FHIT: variants seen among roughly 807,000 people sequenced by gnomAD.
FHIT encodes the protein fragile histidine triad diadenosine triphosphatase, also known as bis(5'-adenosyl)-triphosphatase.
A neutral mutation model predicts 17.9 loss-of-function variants in FHIT; 19 were observed. That is an observed-to-expected ratio of 1.06 (90% CI 0.74 to 1.56). FHIT has a LOEUF of 1.56. Among genes scored for constraint, FHIT ranks in the 40% most tolerant of loss-of-function variants. The pLI, the probability that FHIT is intolerant of heterozygous loss-of-function variation, is 0.00. For missense variants in FHIT, 248 were observed against 189.2 expected (o/e 1.31, Z -1.82); for synonymous variants, 81 against 69.7 (o/e 1.16, Z -0.81).
chr3:59,749,520 G>A lies in FHIT; in HGVS notation c.*65C>T, dbSNP rs947528158. 8.6e-6 allele frequency: 2 copies of A among 231,330 alleles called. No individual in the cohort carries two copies. The highest frequency in any genetic ancestry group is 1.7e-5 in the Non-Finnish European group (2 of 117,186). 14.3% of individuals were successfully genotyped at this position (231,330 alleles called of 1,614,324 possible). On this transcript the variant is annotated 3_prime_UTR_variant, in exon 10 of 10. Transcript: ENST00000492590. ...CAGTTCCTCTTGGGGAGAGGCGGGG[G>A]GCGGTCTTCAAACTGGTTGGCAATA...
At position 59,925,399 on chromosome 3, in the gene FHIT, T is replaced by C. The variant is rs180830909; in HGVS notation, c.280-2985A>G. On this transcript the variant is annotated intron_variant, in intron 7 of 9. Coordinates refer to ENST00000492590, the MANE Select transcript of FHIT (RefSeq NM_002012.4). ...GAGATTATAGGTGTGAGCTACTATG[T>C]CCAGTATGTGGAGACATCTTTCTGA... Among the ~76,000 whole-genome samples the C allele has an allele frequency of 2.0e-5, 3 of 152,280 alleles. No individual in the cohort carries two copies. In the East Asian group the frequency reaches 5.8e-4, roughly 29 times the overall value.
At chr3:60,071,434 G>A (rs2630200) in intron 5 of FHIT, among the ~76,000 whole-genome samples, 54,986 of 152,040 alleles carry the variant, frequency 0.36, 12,101 homozygotes, top group African/African-American at 0.62. Flanking sequence ...CTGCAACCGT[G>A]TCTGTATTGG....
chr3:59,790,522 C>T (rs1014669996), intron 8 of FHIT, among the ~76,000 whole-genome samples: 8 of 145,426 alleles, frequency 5.5e-5, no homozygotes, highest in African/African-American at 2.1e-4. Context: ...CTCTCTCTCT[C>T]TCTCTCTGTG....
intron 8 of FHIT, among the ~76,000 whole-genome samples, chr3:59,912,911 T>C (rs1704951660): frequency 1.3e-5 from 2 of 152,176 alleles, no homozygotes; most frequent in South Asian, 4.1e-4. Context: ...GAATACACTA[T>C]AGGGCAAGCA....
chr3:60,575,811 A>C (rs1553657403), intron 4 of FHIT, among the ~76,000 whole-genome samples: 1 of 152,132 alleles, frequency 6.6e-6, no homozygotes, highest in Non-Finnish European at 1.5e-5. Flanking sequence ...TGAGCAGTGC[A>C]AAGGAACAAT....
intron 5 of FHIT, among the ~76,000 whole-genome samples, chr3:60,096,076 AC>A (rs1477180289): frequency 6.6e-6 from 1 of 152,164 alleles, no homozygotes; most frequent in Non-Finnish European, 1.5e-5. Flanking sequence ...GGCCAGTGAC[AC>A]CCTGCCCAGG....
intron 3 of FHIT, among the ~76,000 whole-genome samples, chr3:60,849,153 A>G (rs574161910): frequency 1.1e-4 from 16 of 152,200 alleles, no homozygotes; most frequent in Non-Finnish European, 1.6e-4. Context: ...AACCTTTTAT[A>G]TAAGGGAAGA....
chr3:60,078,953 A>T (rs866581632), intron 5 of FHIT, among the ~76,000 whole-genome samples: 5 of 152,142 alleles, frequency 3.3e-5, no homozygotes, highest in South Asian at 4.2e-4. Flanking sequence ...GTTAAAAAAG[A>T]AAAGAGAGGG....
At chr3:60,292,805 C>T (rs1244728640) in intron 5 of FHIT, among the ~76,000 whole-genome samples, 3 of 152,112 alleles carry the variant, frequency 2.0e-5, no homozygotes, top group Non-Finnish European at 4.4e-5. Context: ...AAAGCCTAGT[C>T]ATAAAATGAA....
chr3:61,165,417 G>C (rs547387417), intron 2 of FHIT, among the ~76,000 whole-genome samples: 8 of 152,142 alleles, frequency 5.3e-5, no homozygotes, highest in South Asian at 2.1e-4. Context: ...TCATATGTTT[G>C]TTGGCCACTT....
chr3:60,109,611 C>G (rs147867415), intron 5 of FHIT, among the ~76,000 whole-genome samples: 1 of 152,242 alleles, frequency 6.6e-6, no homozygotes, highest in African/African-American at 2.4e-5. Flanking sequence ...AAGAGAATAA[C>G]AGAAGCAAGT....
chr3:61,041,489 C>G (rs1029644699), intron 3 of FHIT, among the ~76,000 whole-genome samples: 1 of 151,860 alleles, frequency 6.6e-6, no homozygotes, highest in African/African-American at 2.4e-5. Context: ...TATCAATTAG[C>G]AACACTATTT....
rs1459440677 is a variant in FHIT, at chr3:60,009,215, GTGTGTGTGTGTGTGTA to G, written c.279+2140_279+2155del. Among the ~76,000 whole-genome samples, 601 of 140,828 alleles carry G rather than the reference GTGTGTGTGTGTGTGTA, an allele frequency of 4.3e-3. 5 individuals are homozygous for G. Among genetic ancestry groups the G allele is most frequent in the African/African-American group, 0.016 (583 of 36,478 alleles). 92.4% of individuals were successfully genotyped at this position (140,828 alleles called of 152,430 possible). A position where few individuals can be genotyped will look rare whatever the true frequency, so the allele number is the denominator to read the frequency against. On this transcript the variant is annotated intron_variant, in intron 7 of 9. Coordinates refer to ENST00000492590, the MANE Select transcript of FHIT (RefSeq NM_002012.4). ...TGTGTGTGTGTGTGTGTGTGTGTGT[GTGTGTGTGTGTGTGTA>G]TGGTGGTTTTCTTATAACCACCATA...
chr3:59,904,484 C>A (rs980431645), intron 8 of FHIT, among the ~76,000 whole-genome samples: 13 of 152,070 alleles, frequency 8.5e-5, no homozygotes, highest in African/African-American at 3.1e-4. Context: ...CTTCAATATT[C>A]CCCACAATCA....
intron 3 of FHIT, among the ~76,000 whole-genome samples, chr3:60,828,133 T>C (rs1702191904): frequency 6.6e-6 from 1 of 152,200 alleles, no homozygotes; most frequent in African/African-American, 2.4e-5. Flanking sequence ...AACTTTGGCT[T>C]CCTCATTAAG....
At chr3:60,464,624 G>T (rs769605313) in intron 5 of FHIT, among the ~76,000 whole-genome samples, 4 of 152,008 alleles carry the variant, frequency 2.6e-5, no homozygotes, top group African/African-American at 4.8e-5. Flanking sequence ...TTGTCTTTCT[G>T]TGCCTGGCTT....
At chr3:60,378,018 TTTTG>T (rs763657689) in intron 5 of FHIT, among the ~76,000 whole-genome samples, 19 of 152,014 alleles carry the variant, frequency 1.2e-4, no homozygotes, top group South Asian at 4.1e-4. Flanking sequence ...GAGACTATTA[TTTTG>T]TTTGTTTGTT....
intron 5 of FHIT, among the ~76,000 whole-genome samples, chr3:60,040,435 C>T (rs529254770): frequency 8.5e-5 from 13 of 152,258 alleles, no homozygotes; most frequent in Admixed American, 3.3e-4. Context: ...TGAGCCACCG[C>T]GCCTGGCCTT....
chr3:59,902,015 A>C (rs1162320254), intron 8 of FHIT, among the ~76,000 whole-genome samples: 3 of 152,236 alleles, frequency 2.0e-5, no homozygotes, highest in Non-Finnish European at 2.9e-5. Flanking sequence ...GACAATTTAC[A>C]AAATGGGAGA....
Sources: gnomAD v4.1 joint callset for allele counts (sites outside exome capture counted in the v4.1 genomes callset) on GRCh38, gnomAD v4.1.1 for gene constraint, MANE v1.5 for transcripts, NCBI Gene and HGNC (gene_info 2026-07-23, HGNC 2026-07-21) for gene names.